Variants in CHST9 observed in about 807,000 individuals in gnomAD.
CHST9 encodes carbohydrate sulfotransferase 9.
In CHST9, 41 loss-of-function variants were observed where a neutral mutation model predicts 44.4. The observed-to-expected ratio is 0.92, with a 90% CI of 0.72 to 1.20. The LOEUF (loss-of-function observed/expected upper bound fraction) is 1.20, where lower values mean the gene tolerates loss of function less well. CHST9 is among the 50% of genes most tolerant of loss of function. The pLI is 0.00. For missense variants in CHST9, 504 were observed against 516.5 expected (o/e 0.98, Z 0.23); for synonymous variants, 171 against 178.4 (o/e 0.96, Z 0.33).
chr18:27,108,299 T>TA (rs1255611792), intron 2 of CHST9, among the ~76,000 whole-genome samples: 1 of 152,198 alleles, frequency 6.6e-6, no homozygotes, highest in Non-Finnish European at 1.5e-5. Flanking sequence ...TTTGACTTTT[T>TA]AAAAAATCAT....
At chr18:27,086,276 A>T (rs571272959) in intron 2 of CHST9, among the ~76,000 whole-genome samples, 1 of 152,364 alleles carries the variant, frequency 6.6e-6, no homozygotes, top group South Asian at 2.1e-4. Flanking sequence ...AAAGTTGGAA[A>T]GAAAAATATA....
intron 2 of CHST9, among the ~76,000 whole-genome samples, chr18:27,096,723 T>C (rs2058120557): frequency 1.3e-5 from 2 of 151,886 alleles, no homozygotes; most frequent in African/African-American, 4.8e-5. Flanking sequence ...TCTCCCAAAA[T>C]TGAATCAGAA....
intron 4 of CHST9, among the ~76,000 whole-genome samples, chr18:27,017,035 A>C (rs1156637021): frequency 6.6e-6 from 1 of 152,234 alleles, no homozygotes; most frequent in Non-Finnish European, 1.5e-5. Context: ...TAAAGTCATT[A>C]TCATACATGG....
rs575246454 is a variant in CHST9, at chr18:27,071,053, A to G, written c.122-22550T>C. The stretch of plus-strand genomic sequence containing the variant: ...ACCTCCCTGTGGCCAGCCTCTGCCA[A>G]CTGGCGCTAGTTTCTGGGCTCTGAG... On this transcript the variant is annotated intron_variant, in intron 2 of 5. Coordinates refer to ENST00000618847, the MANE Select transcript of CHST9 (RefSeq NM_031422.6). Among the ~76,000 whole-genome samples the G allele has an allele frequency of 2.0e-4, 30 of 152,088 alleles. No individual in the cohort carries two copies. In the East Asian group the frequency reaches 5.8e-3, roughly 29 times the overall value.
intron 4 of CHST9, among the ~76,000 whole-genome samples, chr18:26,984,653 A>G (rs1173089019): frequency 6.6e-6 from 1 of 151,858 alleles, no homozygotes; most frequent in Non-Finnish European, 1.5e-5. Flanking sequence ...CCATAAATCA[A>G]TAAGGTAAAG....
chr18:27,139,001 C>G (rs1300082640), intron 2 of CHST9, among the ~76,000 whole-genome samples: 1 of 152,150 alleles, frequency 6.6e-6, no homozygotes, highest in Non-Finnish European at 1.5e-5. Flanking sequence ...TTATGGAACT[C>G]TATTGCATAA....
chr18:27,035,911 G>A (rs962781118), intron 3 of CHST9, among the ~76,000 whole-genome samples: 2 of 152,062 alleles, frequency 1.3e-5, no homozygotes, highest in African/African-American at 4.8e-5. Flanking sequence ...ATTATGTGAG[G>A]TGATGGATAT....
At position 26,906,695 on chromosome 18, in the gene CHST9, CT is replaced by C. The variant is rs2055376833; in HGVS notation, c.*9563del. 1 of 152,150 alleles carries C rather than the reference CT, an allele frequency of 6.6e-6. No homozygotes were observed. Among genetic ancestry groups the C allele is most frequent in the Admixed American group, 6.5e-5 (1 of 15,268 alleles). The allele number at this position is 152,150 out of a possible 1,614,324, so 9.4% of individuals were successfully genotyped here. A position where few individuals can be genotyped will look rare whatever the true frequency, so the allele number is the denominator to read the frequency against. On this transcript the variant is annotated 3_prime_UTR_variant, in exon 6 of 6. Coordinates refer to ENST00000618847, the MANE Select transcript of CHST9 (RefSeq NM_031422.6). ...CTTACTCATGACAAGCCCCAGGCTC[CT>C]AACCATCCTACATAGAATCCTGCTT...
intron 2 of CHST9, among the ~76,000 whole-genome samples, chr18:27,116,981 A>ATT (rs144419527): frequency 3.4e-5 from 5 of 149,036 alleles, no homozygotes; most frequent in East Asian, 2.0e-4. Context: ...GTTAATTCTA[A>ATT]TTTTTTTTTT....
chr18:26,940,114 CT>C (rs1158109081), intron 5 of CHST9, among the ~76,000 whole-genome samples: 1 of 152,128 alleles, frequency 6.6e-6, no homozygotes, highest in African/African-American at 2.4e-5. Flanking sequence ...GGATTTCACT[CT>C]TTTTTTGGTC....
At chr18:26,956,184 C>T (rs1598592079) in intron 4 of CHST9, among the ~76,000 whole-genome samples, 1 of 151,064 alleles carries the variant, frequency 6.6e-6, no homozygotes, top group Non-Finnish European at 1.5e-5. Context: ...TGGTGGCGCA[C>T]ACCTGTAGTC....
At chr18:27,145,088 T>C (rs933349884) in intron 1 of CHST9, among the ~76,000 whole-genome samples, 1 of 152,206 alleles carries the variant, frequency 6.6e-6, no homozygotes, top group African/African-American at 2.4e-5. Context: ...TAGAATGATT[T>C]CTTGATTAGA....
chr18:27,071,502 T>C (rs780284245), intron 2 of CHST9, among the ~76,000 whole-genome samples: 30 of 152,236 alleles, frequency 2.0e-4, no homozygotes, highest in Non-Finnish European at 3.8e-4. Flanking sequence ...GGACACACTC[T>C]AGCATAAATG....
chr18:27,136,782 A>G (rs2058516403), intron 2 of CHST9, among the ~76,000 whole-genome samples: 1 of 152,226 alleles, frequency 6.6e-6, no homozygotes, highest in Non-Finnish European at 1.5e-5. Context: ...ATTGTTATAA[A>G]TAAATAGCTA....
At chr18:27,134,319 A>G (rs1443366320) in intron 2 of CHST9, among the ~76,000 whole-genome samples, 2 of 152,212 alleles carry the variant, frequency 1.3e-5, no homozygotes, top group African/African-American at 4.8e-5. Context: ...GAAACACCAG[A>G]TGCACAGACC....
chr18:27,121,359 A>C (rs1407241347), intron 2 of CHST9, among the ~76,000 whole-genome samples: 1 of 152,020 alleles, frequency 6.6e-6, no homozygotes, highest in Non-Finnish European at 1.5e-5. Context: ...CCACATGCCT[A>C]TTTTGGAGTA....
At chr18:27,165,756 G>C (rs898551228) in intron 1 of CHST9, among the ~76,000 whole-genome samples, 1 of 152,126 alleles carries the variant, frequency 6.6e-6, no homozygotes, top group African/African-American at 2.4e-5. Context: ...TACAAAAGGG[G>C]TTGATTAAAT....
chr18:27,046,147 AC>A (rs10718360), intron 3 of CHST9, among the ~76,000 whole-genome samples: 152,124 of 152,124 alleles, frequency 1, 76,062 homozygotes, highest in Non-Finnish European at 1. Flanking sequence ...GGGGTGCCCA[AC>A]CCCCTGCACA....
intron 2 of CHST9, among the ~76,000 whole-genome samples, chr18:27,052,773 G>C (rs1448567014): frequency 6.6e-6 from 1 of 152,008 alleles, no homozygotes; most frequent in East Asian, 1.9e-4. Context: ...TCCTTTGCAG[G>C]GACATGGATG....
Sources: gnomAD v4.1 joint callset for allele counts (sites outside exome capture counted in the v4.1 genomes callset) on GRCh38, gnomAD v4.1.1 for gene constraint, MANE v1.5 for transcripts, NCBI Gene and HGNC (gene_info 2026-07-23, HGNC 2026-07-21) for gene names.